RGS22: variants seen among roughly 807,000 people sequenced by gnomAD.
The protein encoded by RGS22 is regulator of G protein signaling 22, also known as regulator of G-protein signaling 22.
A neutral mutation model predicts 172.9 loss-of-function variants in RGS22; 148 were observed. The observed-to-expected ratio is 0.86, with a 90% CI of 0.75 to 0.98. The LOEUF is 0.98. Ranked by LOEUF, RGS22 falls within the 50% of genes least tolerant of loss-of-function variation. RGS22 has a pLI of 0.00. For synonymous variants in RGS22, 458 were observed against 480.2 expected (o/e 0.95, Z 0.60); for missense variants, 1,347 against 1,440.8 (o/e 0.93, Z 1.05).
Position 99,976,887 on chromosome 8 carries a change from C to T in RGS22, c.3519+1030G>A, listed in dbSNP as rs1327108460. ...TCATTATATTACTTTTGTGTCTTTC[C>T]GTGTCTTTTACATTTATTTTTAAAA... On this transcript the variant is annotated intron_variant, in intron 23 of 27. Coordinates refer to ENST00000360863, the MANE Select transcript of RGS22 (RefSeq NM_015668.5). Among the ~76,000 whole-genome samples the T allele has an allele frequency of 5.3e-5, 8 of 152,146 alleles. No homozygotes were observed. In the South Asian group the frequency reaches 6.2e-4, roughly 12 times the overall value.
intron 23 of RGS22, among the ~76,000 whole-genome samples, chr8:99,975,901 T>C (rs534075779): frequency 9.8e-4 from 149 of 152,218 alleles, no homozygotes; most frequent in Non-Finnish European, 1.5e-3. Flanking sequence ...TTAAAAAGAA[T>C]GAACATGGCC....
At chr8:100,080,804 A>G (rs1811697932) in intron 3 of RGS22, 1 of 157,886 alleles carries the variant, frequency 6.3e-6, no homozygotes, top group Non-Finnish European at 1.4e-5. Flanking sequence ...AAATTTAAGT[A>G]CAATATGTTC....
chr8:100,098,069 G>A (rs1813123099), intron 2 of RGS22, among the ~76,000 whole-genome samples: 1 of 152,038 alleles, frequency 6.6e-6, no homozygotes, highest in African/African-American at 2.4e-5. Flanking sequence ...CTTTATTCAC[G>A]TACCTATCTT....
At chr8:100,043,807 A>C (rs867266922) in intron 11 of RGS22, among the ~76,000 whole-genome samples, 12 of 152,056 alleles carry the variant, frequency 7.9e-5, no homozygotes, top group South Asian at 2.1e-4. Context: ...AACAAAAAAA[A>C]CCACAAAAAC....
At chr8:100,093,819 AC>A (rs1217576833) in intron 2 of RGS22, among the ~76,000 whole-genome samples, 1 of 152,348 alleles carries the variant, frequency 6.6e-6, no homozygotes, top group South Asian at 2.1e-4. Flanking sequence ...ATCAACAAAT[AC>A]AAAATAATAC....
intron 18 of RGS22, 59 bp downstream of exon 18, chr8:100,002,143 T>A (rs1815155008): frequency 7.4e-7 from 1 of 1,353,060 alleles, no homozygotes; most frequent in South Asian, 1.6e-5. Context: ...TTGGCAAAAA[T>A]AGAAATAAAA....
At chr8:100,047,363 A>G in intron 11 of RGS22, 100 bp downstream of exon 11, 1 of 1,092,870 alleles carries the variant, frequency 9.2e-7, no homozygotes, top group East Asian at 2.6e-5. Context: ...CCCATGTAAA[A>G]ATATCAAAGT....
chr8:100,082,522 G>A (rs1482245170), intron 3 of RGS22, among the ~76,000 whole-genome samples: 1 of 152,036 alleles, frequency 6.6e-6, no homozygotes, highest in African/African-American at 2.4e-5. Context: ...TGGGTTAAAG[G>A]TCGTGATGGA....
At position 100,066,201 on chromosome 8, in the gene RGS22, G is replaced by A. The variant is rs773198055; in HGVS notation, c.690C>T (p.Asn230=). 2.4e-5 allele frequency: 39 copies of A among 1,613,262 alleles called. No individual in the cohort carries two copies. In the Admixed American group the frequency reaches 6.5e-4, roughly 27 times the overall value. Residue 230 remains asparagine, a synonymous_variant, in exon 7 of 28, where the codon AAC becomes AAT. Coordinates refer to ENST00000360863, the MANE Select transcript of RGS22 (RefSeq NM_015668.5). The stretch of plus-strand genomic sequence containing the variant: ...ATGAAATAGCTGGTGATTTAAGTTT[G>A]TTGTAGGGTACACAACAGGGTAACG... ...TFSLPCCVPY[N]KLKSPAISSV...
At chr8:100,029,671 C>T (rs1254139940) in intron 14 of RGS22, among the ~76,000 whole-genome samples, 1 of 144,618 alleles carries the variant, frequency 6.9e-6, no homozygotes, top group Non-Finnish European at 1.5e-5. Flanking sequence ...CCATTGGACT[C>T]CAGCCTGGGC....
intron 9 of RGS22, among the ~76,000 whole-genome samples, chr8:100,060,258 A>T (rs918030070): frequency 1.3e-5 from 2 of 151,606 alleles, no homozygotes; most frequent in Non-Finnish European, 2.9e-5. Context: ...TATTATACTA[A>T]TGTCACATGT....
chr8:99,987,906 A>G (rs750836470), intron 20 of RGS22, among the ~76,000 whole-genome samples: 13 of 152,064 alleles, frequency 8.5e-5, no homozygotes, highest in Admixed American at 2.0e-4. Flanking sequence ...ACTACTTTTT[A>G]GTGCATTGTA....
chr8:99,981,076 GTC>G (rs914948682), intron 22 of RGS22, among the ~76,000 whole-genome samples: 15 of 152,096 alleles, frequency 9.9e-5, no homozygotes, highest in African/African-American at 3.6e-4. Flanking sequence ...AATACCCTAA[GTC>G]TCTGTTTCAT....
rs183143416 is a variant in RGS22 at position 100,002,353 on chromosome 8, A to T, written c.2639T>A (p.Met880Lys). The change falls in exon 18 of 28, where the codon ATG becomes AAG. Residue 880 changes from methionine (M) to lysine (K), a missense_variant. Met to Lys is a moderately conservative substitution (Grantham distance 95, BLOSUM62 -1). Transcript: ENST00000360863. ...LETHSSSMDL[M>K]CWTDIEQFRR... ...GAACTGCTCAATGTCTGTCCAGCAC[A>T]TAAGATCCATGCTAAAATGAAAACA... 9 of 1,601,938 alleles carry T rather than the reference A, an allele frequency of 5.6e-6. No individual in the cohort carries two copies. The highest frequency in any genetic ancestry group is 7.6e-6 in the Non-Finnish European group (9 of 1,176,982).
Position 100,043,229 on chromosome 8 carries a change from C to T in RGS22, c.1824-1313G>A, listed in dbSNP as rs182264260. On this transcript the variant is annotated intron_variant, in intron 11 of 27. Transcript: ENST00000360863. ...TGAACAACAAACATATCCACCTGTA[C>T]CCATCCTTACTTCTTTCCATGTTGT... Among the ~76,000 whole-genome samples the T allele has an allele frequency of 2.4e-4, 36 of 152,320 alleles. No individual in the cohort carries two copies. The East Asian group carries it at 6.9e-3, about 29-fold the overall frequency.
intron 20 of RGS22, among the ~76,000 whole-genome samples, chr8:99,996,104 C>T (rs1588933535): frequency 1.2e-5 from 1 of 86,258 alleles, no homozygotes; most frequent in Non-Finnish European, 2.1e-5. Flanking sequence ...CACACTGGGG[C>T]CTGTTGGGGG....
intron 14 of RGS22, among the ~76,000 whole-genome samples, chr8:100,012,110 T>C (rs890729491): frequency 1.3e-5 from 2 of 151,636 alleles, no homozygotes; most frequent in African/African-American, 4.8e-5. Context: ...TATATATATA[T>C]ATGTAAAGAC....
intron 10 of RGS22, 73 bp downstream of exon 10, chr8:100,052,729 A>C: frequency 7.8e-7 from 1 of 1,277,988 alleles, no homozygotes; most frequent in Non-Finnish European, 1.1e-6. Flanking sequence ...GAAAATTATC[A>C]GTGCACAAAC....
chr8:99,962,385 A>G lies in RGS22; in HGVS notation c.*45+9T>C, dbSNP rs146213720. ...TGTGGGACCAACCAACATTCAGACTATGACGTACCTTGAACCTATCAGCAG... is the reference window on the plus strand; with the variant it reads ...TGTGGGACCAACCAACATTCAGACTGTGACGTACCTTGAACCTATCAGCAG... On this transcript the variant is annotated intron_variant, in intron 27 of 27. Coordinates refer to ENST00000360863, the MANE Select transcript of RGS22 (RefSeq NM_015668.5). 369 of 1,596,208 alleles carry G rather than the reference A, an allele frequency of 2.3e-4. 2 individuals carry two copies. The African/African-American group carries it at 4.0e-3, about 17-fold the overall frequency.
Sources: gnomAD v4.1 joint callset for allele counts (sites outside exome capture counted in the v4.1 genomes callset) on GRCh38, gnomAD v4.1.1 for gene constraint, MANE v1.5 for transcripts, NCBI Gene and HGNC (gene_info 2026-07-23, HGNC 2026-07-21) for gene names.